The following RGS7 variants were observed in gnomAD, a reference collection of about 807,000 sequenced individuals.
RGS7 encodes the protein regulator of G-protein signaling 7.
RGS7 carries 27 observed loss-of-function variants against 81.1 expected under a neutral mutation model. The observed-to-expected ratio is 0.33, with a 90% CI of 0.25 to 0.46. The LOEUF (loss-of-function observed/expected upper bound fraction) is 0.46, where lower values mean the gene tolerates loss of function less well. RGS7 is among the 20% of genes least tolerant of loss of function. The pLI is 1.00. For synonymous variants in RGS7, 208 were observed against 207.7 expected, an observed-to-expected ratio of 1.00 and a Z score of -0.01; for missense variants, 396 against 607.4, an observed-to-expected ratio of 0.65 and a Z score of 3.66.
At position 241,170,961 on chromosome 1, in the gene RGS7, T is replaced by C. The variant is rs577920582; in HGVS notation, c.79-72199A>G. On this transcript the variant is annotated intron_variant, in intron 2 of 18. Coordinates refer to ENST00000440928, the MANE Select transcript of RGS7 (RefSeq NM_001364886.1). The stretch of plus-strand genomic sequence containing the variant: ...TGATTGGTGATAGGAGTAATCTAAT[T>C]AGACAAGCAAAACACTCTGGAGTCA... 3.3e-5 allele frequency among the ~76,000 whole-genome samples: 5 copies of C among 152,264 alleles called. No homozygotes were observed. The South Asian group carries it at 1.0e-3, about 32-fold the overall frequency.
intron 6 of RGS7, among the ~76,000 whole-genome samples, chr1:240,892,910 T>C (rs1430329085): frequency 6.6e-6 from 1 of 152,156 alleles, no homozygotes; most frequent in Non-Finnish European, 1.5e-5. Flanking sequence ...ACTATCAATC[T>C]GAGTATAGAT....
chr1:240,836,501 C>G (rs1488075999), intron 9 of RGS7, among the ~76,000 whole-genome samples: 2 of 152,144 alleles, frequency 1.3e-5, no homozygotes, highest in African/African-American at 4.8e-5. Context: ...TGGGTTTTGT[C>G]TGTGGGCATG....
At chr1:241,213,922 G>T (rs548440951) in intron 2 of RGS7, among the ~76,000 whole-genome samples, 1 of 152,018 alleles carries the variant, frequency 6.6e-6, no homozygotes, top group African/African-American at 2.4e-5. Context: ...GTGCCACCAT[G>T]CCTGGGTAAT....
At chr1:241,283,837 G>A (rs1170291041) in intron 2 of RGS7, among the ~76,000 whole-genome samples, 1 of 152,028 alleles carries the variant, frequency 6.6e-6, no homozygotes, top group African/African-American at 2.4e-5. Context: ...TTTTCAGATT[G>A]GGTAACTTCT....
At chr1:240,869,594 G>A (rs574337541) in intron 7 of RGS7, among the ~76,000 whole-genome samples, 1 of 152,316 alleles carries the variant, frequency 6.6e-6, no homozygotes, top group African/African-American at 2.4e-5. Flanking sequence ...TAAGCAAACA[G>A]GGATTCATGC....
intron 3 of RGS7, among the ~76,000 whole-genome samples, chr1:241,018,053 A>G (rs12073470): frequency 0.034 from 5,122 of 151,040 alleles, 211 homozygotes; most frequent in African/African-American, 0.1. Flanking sequence ...TGCAACTTCC[A>G]TCTCTCAGGT....
chr1:241,307,745 C>T (rs2080262863), intron 2 of RGS7, among the ~76,000 whole-genome samples: 1 of 152,166 alleles, frequency 6.6e-6, no homozygotes, highest in South Asian at 2.1e-4. Context: ...CCAGCACCTG[C>T]AGTATCTGAC....
intron 2 of RGS7, among the ~76,000 whole-genome samples, chr1:241,246,636 C>T (rs1558233291): frequency 6.6e-6 from 1 of 151,878 alleles, no homozygotes; most frequent in African/African-American, 2.4e-5. Context: ...AGTAGTCCTT[C>T]GGGGGTAGGC....
At chr1:240,781,409 C>A (rs536034950) in intron 18 of RGS7, among the ~76,000 whole-genome samples, 4 of 152,224 alleles carry the variant, frequency 2.6e-5, no homozygotes, top group East Asian at 3.9e-4. Flanking sequence ...AGTTCGAGAC[C>A]AGTCTGGCCA....
At chr1:241,014,942 T>C (rs1366315408) in intron 3 of RGS7, among the ~76,000 whole-genome samples, 2 of 152,152 alleles carry the variant, frequency 1.3e-5, no homozygotes, top group African/African-American at 2.4e-5. Flanking sequence ...AAATTTTTCA[T>C]GGGATTGACA....
chr1:241,013,733 C>A (rs1004905021), intron 3 of RGS7, among the ~76,000 whole-genome samples: 4 of 152,162 alleles, frequency 2.6e-5, no homozygotes, highest in African/African-American at 4.8e-5. Flanking sequence ...AAAGAAATGA[C>A]CCCTGTCAAG....
chr1:241,018,199 G>T (rs2148684021), intron 3 of RGS7, among the ~76,000 whole-genome samples: 1 of 148,406 alleles, frequency 6.7e-6, no homozygotes, highest in South Asian at 2.2e-4. Context: ...GGCCAGGCTG[G>T]TCTCAAACTC....
intron 2 of RGS7, among the ~76,000 whole-genome samples, chr1:241,335,013 G>A (rs964707427): frequency 2.6e-5 from 4 of 152,154 alleles, no homozygotes; most frequent in Admixed American, 2.6e-4. Flanking sequence ...CCTGCACATT[G>A]ATTATTCCAA....
chr1:241,149,992 T>A (rs540117896), intron 2 of RGS7, among the ~76,000 whole-genome samples: 1 of 152,276 alleles, frequency 6.6e-6, no homozygotes, highest in East Asian at 1.9e-4. Flanking sequence ...TAGGCTGGTC[T>A]TGAACTCCTG....
rs75233237 is a variant in RGS7, at chr1:241,033,402, A to G, written c.176-50273T>C. On this transcript the variant is annotated intron_variant, in intron 3 of 18. Coordinates refer to ENST00000440928, the MANE Select transcript of RGS7 (RefSeq NM_001364886.1). ...GAGGAAAGTTCCATAGGCAAAAACA[A>G]TAAGTCTCTATTATATATTCATGAT... is the stretch of plus-strand genomic sequence containing the variant. Among the ~76,000 whole-genome samples, 292 of 152,242 alleles carry G rather than the reference A, an allele frequency of 1.9e-3. 2 individuals are homozygous for G. Among genetic ancestry groups the G allele is most frequent in the East Asian group, 0.016 (85 of 5,178 alleles).
chr1:241,254,213 A>AG lies in RGS7; in HGVS notation c.78+101485_78+101486insC, dbSNP rs538793014. 3.1e-4 allele frequency among the ~76,000 whole-genome samples: 47 copies of AG among 151,814 alleles called. No homozygotes were observed. The South Asian group carries it at 7.1e-3, about 23-fold the overall frequency. ...GACTCCATCTCAAAAAAAAAAAAAA[A>AG]AAAGAAAGAAAGAAATTAGTGGTGA... is the stretch of plus-strand genomic sequence containing the variant. On this transcript the variant is annotated intron_variant, in intron 2 of 18. Transcript: ENST00000440928.
intron 2 of RGS7, among the ~76,000 whole-genome samples, chr1:241,173,864 A>T (rs2070914191): frequency 6.6e-6 from 1 of 152,162 alleles, no homozygotes; most frequent in Non-Finnish European, 1.5e-5. Context: ...CAAGCTGGAG[A>T]ATTCCAGAGA....
At chr1:241,324,325 T>C (rs1174091936) in intron 2 of RGS7, among the ~76,000 whole-genome samples, 1 of 150,100 alleles carries the variant, frequency 6.7e-6, no homozygotes, top group Admixed American at 6.6e-5. Flanking sequence ...AAGAAAAATA[T>C]ATAAAAGCAA....
intron 2 of RGS7, among the ~76,000 whole-genome samples, chr1:241,329,503 C>T (rs2081832962): frequency 6.6e-6 from 1 of 152,052 alleles, no homozygotes; most frequent in Admixed American, 6.5e-5. Flanking sequence ...GGTAATAAAA[C>T]CTGTCTCCTT....
Sources: allele counts gnomAD v4.1 joint callset (sites outside exome capture counted in the v4.1 genomes callset), GRCh38; gene constraint gnomAD v4.1.1; transcripts MANE v1.5; gene names NCBI Gene and HGNC (gene_info 2026-07-23, HGNC 2026-07-21).